The following IAPP variants were observed in gnomAD, a reference collection of about 807,000 sequenced individuals.
IAPP encodes Islet amyloid polypeptide (diabetes-associated peptide; amylin).
IAPP carries 4 observed loss-of-function variants against 2.9 expected under a neutral mutation model. That is an observed-to-expected ratio of 1.39 (90% CI 0.69 to 3.19). The LOEUF is 3.19. Ranked by LOEUF, IAPP falls within the 30% of genes most tolerant of loss-of-function variation. The probability of loss-of-function intolerance (pLI) is 0.01; values close to 1 mark genes in which losing one functional copy is unlikely to be tolerated. For synonymous variants in IAPP, 40 were observed against 42.1 expected (o/e 0.95, Z 0.19); for missense variants, 114 against 105.3 (o/e 1.08, Z -0.36).
intron 2 of IAPP, among the ~76,000 whole-genome samples, chr12:21,376,168 G>A (rs768067550): frequency 6.6e-6 from 1 of 151,818 alleles, no homozygotes; most frequent in African/African-American, 2.4e-5. Flanking sequence ...TTATATTATT[G>A]ACCTTCCAAC....
chr12:21,365,309 T>G (rs1396277052), intron 1 of IAPP, among the ~76,000 whole-genome samples: 2 of 152,186 alleles, frequency 1.3e-5, no homozygotes, highest in African/African-American at 4.8e-5. Flanking sequence ...GGATTCCCTA[T>G]TTAATAAACG....
chr12:21,373,432 G>T lies in IAPP; in HGVS notation c.80+1G>T. 6.2e-7 allele frequency: 1 copy of T among 1,606,442 alleles called. No homozygotes were observed. The highest frequency in any genetic ancestry group is 8.5e-7 in the Non-Finnish European group (1 of 1,173,194). On this transcript the variant is annotated splice_donor_variant, in intron 2 of 2. Coordinates refer to ENST00000240652, the MANE Select transcript of IAPP (RefSeq NM_000415.3). LOFTEE classifies it high-confidence loss of function. ...ATCTGAAAGCTACACCCATTGAAAG[G>T]TTGGTAACTTTAAAATCCTGTTTCT... is the stretch of plus-strand genomic sequence containing the variant.
At chr12:21,374,743 ATACT>A (rs1940064048) in intron 2 of IAPP, among the ~76,000 whole-genome samples, 1 of 152,142 alleles carries the variant, frequency 6.6e-6, no homozygotes, top group Non-Finnish European at 1.5e-5. Context: ...TTATATCTTG[ATACT>A]TTCTTTCAAT....
At chr12:21,365,064 A>G (rs1255159958) in intron 1 of IAPP, among the ~76,000 whole-genome samples, 1 of 152,202 alleles carries the variant, frequency 6.6e-6, no homozygotes, top group African/African-American at 2.4e-5. Flanking sequence ...TTCATATGGA[A>G]CCAAAAAAGA....
chr12:21,366,427 G>C (rs962142689), intron 1 of IAPP, among the ~76,000 whole-genome samples: 5 of 151,920 alleles, frequency 3.3e-5, no homozygotes, highest in African/African-American at 1.2e-4. Context: ...GATAGCATTA[G>C]GAGATATACC....
At chr12:21,357,053 T>C (rs967141700) in intron 1 of IAPP, among the ~76,000 whole-genome samples, 3 of 152,048 alleles carry the variant, frequency 2.0e-5, no homozygotes, top group African/African-American at 4.8e-5. Context: ...CAAAATCTAC[T>C]GAGCTAAAGA....
intron 1 of IAPP, among the ~76,000 whole-genome samples, chr12:21,367,013 CTCAG>C: frequency 6.6e-6 from 1 of 151,616 alleles, no homozygotes; most frequent in Non-Finnish European, 1.5e-5. Flanking sequence ...GAGTTTCCAG[CTCAG>C]TCAATAGAAA....
At chr12:21,373,232 C>A (rs187219952) in intron 1 of IAPP, 105 bp from the exon 2 acceptor site, 2 of 750,212 alleles carry the variant, frequency 2.7e-6, no homozygotes, top group African/African-American at 3.5e-5. Context: ...TTGTAAATTA[C>A]GTTTTAAAAA....
intron 2 of IAPP, among the ~76,000 whole-genome samples, chr12:21,376,076 C>T (rs1940173086): frequency 6.6e-6 from 1 of 152,056 alleles, no homozygotes; most frequent in Non-Finnish European, 1.5e-5. Flanking sequence ...AACATAAATG[C>T]TTTTACTATT....
intron 1 of IAPP, among the ~76,000 whole-genome samples, chr12:21,356,194 G>A (rs1382582500): frequency 6.6e-6 from 1 of 151,934 alleles, no homozygotes; most frequent in Non-Finnish European, 1.5e-5. Context: ...ATTTTTAAAT[G>A]ATGGTTTATG....
upstream of IAPP, chr12:21,372,883 G>A (rs1939901133): frequency 5.1e-6 from 1 of 196,072 alleles, no homozygotes; most frequent in Admixed American, 5.6e-5. Context: ...TATAAGAGCT[G>A]GATTACTAGT....
intron 1 of IAPP, among the ~76,000 whole-genome samples, chr12:21,364,584 A>T (rs1316194370): frequency 6.6e-6 from 1 of 152,214 alleles, no homozygotes; most frequent in Non-Finnish European, 1.5e-5. Context: ...AGGGTATTCA[A>T]TTAGGAAAAG....
chr12:21,358,368 AAC>A (rs762598948), intron 1 of IAPP, among the ~76,000 whole-genome samples: 1 of 152,206 alleles, frequency 6.6e-6, no homozygotes, highest in African/African-American at 2.4e-5. Context: ...CAGATTTTAA[AAC>A]ACATATTTTT....
intron 1 of IAPP, among the ~76,000 whole-genome samples, chr12:21,363,827 C>A (rs1404004448): frequency 6.6e-6 from 1 of 152,156 alleles, no homozygotes; most frequent in Non-Finnish European, 1.5e-5. Flanking sequence ...GACTTATACA[C>A]CCTCCTAAGA....
At chr12:21,376,717 T>C (rs1021304241) in intron 2 of IAPP, among the ~76,000 whole-genome samples, 10 of 152,238 alleles carry the variant, frequency 6.6e-5, no homozygotes, top group Admixed American at 5.9e-4. Context: ...AGGCTATCTC[T>C]ACTTAGAGAT....
At chr12:21,356,277 T>A (rs1302343735) in intron 1 of IAPP, among the ~76,000 whole-genome samples, 1 of 151,978 alleles carries the variant, frequency 6.6e-6, no homozygotes, top group African/African-American at 2.4e-5. Context: ...TATGGAATAA[T>A]TATCATTATT....
In IAPP at chr12:21,379,940, A is replaced by G. The variant is rs1016348474; in HGVS notation, c.*1514A>G. On this transcript the variant is annotated 3_prime_UTR_variant, in exon 3 of 3. Transcript: ENST00000240652. ...TATTTATAATAAATTCTATGTCATG[A>G]ATTACATATTGAAATAAATAGGTGA... is the stretch of plus-strand genomic sequence containing the variant. 2.6e-5 allele frequency: 4 copies of G among 152,168 alleles called. No individual in the cohort carries two copies. Among genetic ancestry groups the G allele is most frequent in the African/African-American group, 9.7e-5 (4 of 41,440 alleles). The allele number at this position is 152,168 out of a possible 1,614,324, so 9.4% of individuals were successfully genotyped here.
Position 21,366,914 on chromosome 12 carries a change from G to GAAAAAA in IAPP, c.-15-6419_-15-6418insAAAAAA, listed in dbSNP as rs139220898. On this transcript the variant is annotated intron_variant, in intron 1 of 2. Transcript: ENST00000539393. The stretch of plus-strand genomic sequence containing the variant: ...AAGCGTTTTGGGAGAGGAAAGCAGA[G>GAAAAAA]AAAATGGAGAGGAGACAAATATCAA... Among the ~76,000 whole-genome samples, 5 of 152,014 alleles carry GAAAAAA rather than the reference G, an allele frequency of 3.3e-5. No individual in the cohort carries two copies. The East Asian group carries it at 9.7e-4, about 29-fold the overall frequency.
chr12:21,355,119 A>C (rs1455962584), intron 1 of IAPP: 4 of 152,200 alleles, frequency 2.6e-5, no homozygotes, highest in Admixed American at 6.5e-5. Context: ...TCTTTATCAT[A>C]TGATCCATGT....
Sources: gnomAD v4.1 joint callset for allele counts (sites outside exome capture counted in the v4.1 genomes callset) on GRCh38, gnomAD v4.1.1 for gene constraint, MANE v1.5 for transcripts, NCBI Gene and HGNC (gene_info 2026-07-23, HGNC 2026-07-21) for gene names.